Variants in HIPK2 observed in about 807,000 individuals in gnomAD.
HIPK2 encodes the protein homeodomain interacting protein kinase 2.
Under a neutral mutation model 113.7 loss-of-function variants are expected in HIPK2, and 27 were observed. The ratio of observed to expected loss-of-function variants is 0.24; its 90% CI spans 0.17 to 0.33. HIPK2 has a LOEUF of 0.33. Among genes scored for constraint, HIPK2 ranks in the 10% least tolerant of loss-of-function variants. The pLI, the probability that HIPK2 is intolerant of heterozygous loss-of-function variation, is 1.00. For missense variants in HIPK2, 1,257 were observed against 1,588.0 expected (o/e 0.79, Z 3.54); for synonymous variants, 631 against 642.2 (o/e 0.98, Z 0.26).
intron 1 of HIPK2, among the ~76,000 whole-genome samples, chr7:139,740,357 A>G (rs1038073150): frequency 1.3e-5 from 2 of 152,252 alleles, no homozygotes; most frequent in African/African-American, 4.8e-5. Context: ...AGCACCTGGC[A>G]TGGCAGACGA....
intron 2 of HIPK2, among the ~76,000 whole-genome samples, chr7:139,707,314 G>A (rs538955005): frequency 6.6e-6 from 1 of 152,370 alleles, no homozygotes; most frequent in Admixed American, 6.5e-5. Context: ...CCCAATACCC[G>A]CAAAGCCCTG....
intron 9 of HIPK2, among the ~76,000 whole-genome samples, chr7:139,612,751 G>C (rs973168912): frequency 1.3e-5 from 2 of 152,118 alleles, no homozygotes; most frequent in African/African-American, 4.8e-5. Context: ...GAGATAGAAG[G>C]TTCCAGCTTA....
At chr7:139,734,638 A>C (rs1795887786) in intron 1 of HIPK2, among the ~76,000 whole-genome samples, 1 of 152,240 alleles carries the variant, frequency 6.6e-6, no homozygotes, top group South Asian at 2.1e-4. Flanking sequence ...ATTCATGGTA[A>C]GCTCACAAGC....
chr7:139,701,525 C>A (rs1794707824), intron 2 of HIPK2, among the ~76,000 whole-genome samples: 2 of 152,154 alleles, frequency 1.3e-5, no homozygotes, highest in Admixed American at 6.5e-5. Context: ...ACTCACATAG[C>A]TGGCGGGACG....
chr7:139,759,459 A>G (rs1796428300), intron 1 of HIPK2, among the ~76,000 whole-genome samples: 1 of 152,222 alleles, frequency 6.6e-6, no homozygotes, highest in South Asian at 2.1e-4. Context: ...ATGCACCTAC[A>G]AAAGTATTAA....
intron 12 of HIPK2, among the ~76,000 whole-genome samples, chr7:139,591,900 G>A (rs1318460291): frequency 1.3e-5 from 2 of 152,240 alleles, no homozygotes; most frequent in East Asian, 3.8e-4. Flanking sequence ...ATGGCAGGAT[G>A]GAGCAAGCTA....
intron 9 of HIPK2, among the ~76,000 whole-genome samples, chr7:139,607,253 C>CA (rs1799651538): frequency 6.6e-6 from 1 of 151,144 alleles, no homozygotes; most frequent in South Asian, 2.1e-4. Flanking sequence ...TTAGAAGTAC[C>CA]AACACTCAAT....
At chr7:139,736,701 A>T (rs1174640294) in intron 1 of HIPK2, among the ~76,000 whole-genome samples, 2 of 152,252 alleles carry the variant, frequency 1.3e-5, no homozygotes, top group Non-Finnish European at 2.9e-5. Context: ...TATGGAGTAC[A>T]ACAGGAACTA....
intron 2 of HIPK2, among the ~76,000 whole-genome samples, chr7:139,697,384 T>C (rs1257349480): frequency 6.6e-6 from 1 of 152,218 alleles, no homozygotes; most frequent in Non-Finnish European, 1.5e-5. Flanking sequence ...GTATAAATCA[T>C]CTTCGCAAAT....
At chr7:139,615,696 C>T (rs147797585) in intron 7 of HIPK2, among the ~76,000 whole-genome samples, 40 of 152,306 alleles carry the variant, frequency 2.6e-4, no homozygotes, top group Admixed American at 4.6e-4. Context: ...ATCTTGGACA[C>T]AAATAGAATT....
intron 2 of HIPK2, among the ~76,000 whole-genome samples, chr7:139,690,828 T>G (rs969216893): frequency 5.3e-5 from 8 of 152,180 alleles, no homozygotes; most frequent in Non-Finnish European, 1.2e-4. Context: ...ATGACCAATC[T>G]TGAACTTTTG....
chr7:139,745,492 C>G (rs1219369809), intron 1 of HIPK2, among the ~76,000 whole-genome samples: 4 of 152,224 alleles, frequency 2.6e-5, no homozygotes, highest in African/African-American at 9.6e-5. Context: ...CACACTGCAA[C>G]CGCAGGGCCT....
intron 1 of HIPK2, among the ~76,000 whole-genome samples, chr7:139,764,020 C>G (rs1490319299): frequency 1.3e-5 from 2 of 152,120 alleles, no homozygotes; most frequent in Non-Finnish European, 2.9e-5. Flanking sequence ...CTCCTAAGCA[C>G]AAGAAGACTG....
At chr7:139,758,305 G>C (rs1430181159) in intron 1 of HIPK2, among the ~76,000 whole-genome samples, 1 of 152,164 alleles carries the variant, frequency 6.6e-6, no homozygotes, top group Non-Finnish European at 1.5e-5. Context: ...ATAGAGTCCA[G>C]AAATAGACTC....
At chr7:139,676,277 T>C (rs1802493023) in intron 2 of HIPK2, among the ~76,000 whole-genome samples, 1 of 152,208 alleles carries the variant, frequency 6.6e-6, no homozygotes, top group Admixed American at 6.5e-5. Context: ...GGACCCTAGT[T>C]TGCTAACCCT....
At position 139,676,428 on chromosome 7, in the gene HIPK2, C is replaced by T. The variant is rs183372565; in HGVS notation, c.1103+39504G>A. Among the ~76,000 whole-genome samples, 427 of 152,316 alleles carry T rather than the reference C, an allele frequency of 2.8e-3. 8 individuals are homozygous for T. The highest frequency in any genetic ancestry group is 0.023 in the Admixed American group (357 of 15,296). The stretch of plus-strand genomic sequence containing the variant: ...CAAGAGCCCTACACTTTCCTCTGCC[C>T]GCCTCACAGATTTCCATCACATCTT... On this transcript the variant is annotated intron_variant, in intron 2 of 14. Transcript: ENST00000406875.
At position 139,573,149 on chromosome 7, in the gene HIPK2, G is replaced by A; in HGVS notation, c.3375C>T (p.Gly1125=). 1 of 1,611,104 alleles carries A rather than the reference G, an allele frequency of 6.2e-7. No individual in the cohort carries two copies. Among genetic ancestry groups the A allele is most frequent in the Non-Finnish European group, 8.5e-7 (1 of 1,179,334 alleles). The change falls in exon 15 of 15, where the codon GGC becomes GGT. Residue 1125 remains glycine, a synonymous_variant. Coordinates refer to ENST00000406875, the MANE Select transcript of HIPK2 (RefSeq NM_022740.5). ...TGTGCTGCACGGTGTGGCGCGCAGA[G>A]CCTTGCGAGGCCACCAGGTGGGCCA... The part of the protein sequence containing the change: ...GTVAHLVASQ[G]SARHTVQHTA...
Position 139,725,129 on chromosome 7 carries a change from C to T in HIPK2, c.20-8114G>A, listed in dbSNP as rs1050185774. ...ACAAAGACATCTAAGACATCGTCAC[C>T]GACCTAAAGGAGCTTAGAATCTCAT... On this transcript the variant is annotated intron_variant, in intron 1 of 14. Coordinates refer to ENST00000406875, the MANE Select transcript of HIPK2 (RefSeq NM_022740.5). Among the ~76,000 whole-genome samples, 5 of 152,130 alleles carry T rather than the reference C, an allele frequency of 3.3e-5. No individual in the cohort carries two copies. In the East Asian group the frequency reaches 5.8e-4, roughly 18 times the overall value.
intron 2 of HIPK2, among the ~76,000 whole-genome samples, chr7:139,650,207 G>A (rs370429900): frequency 6.6e-6 from 1 of 151,932 alleles, no homozygotes; most frequent in Admixed American, 6.6e-5. Context: ...AAAATTAGCT[G>A]GGTGTGGTAG....
Sources: gnomAD v4.1 joint callset for allele counts (sites outside exome capture counted in the v4.1 genomes callset) on GRCh38, gnomAD v4.1.1 for gene constraint, MANE v1.5 for transcripts, NCBI Gene and HGNC (gene_info 2026-07-23, HGNC 2026-07-21) for gene names.